The following ZEB2 variants were observed in gnomAD, a reference collection of about 807,000 sequenced individuals.
ZEB2 encodes zinc finger E-box-binding homeobox 2.
A neutral mutation model predicts 99.9 loss-of-function variants in ZEB2; 6 were observed. That is an observed-to-expected ratio of 0.06 (90% confidence interval 0.03 to 0.12). The LOEUF is 0.12. Among genes scored for constraint, ZEB2 ranks in the 10% least tolerant of loss-of-function variants. The pLI, the probability that ZEB2 is intolerant of heterozygous loss-of-function variation, is 1.00. For missense variants in ZEB2, 969 were observed against 1,502.8 expected, an observed-to-expected ratio of 0.64 and a Z score of 5.87; for synonymous variants, 517 against 542.5, an observed-to-expected ratio of 0.95 and a Z score of 0.65.
At chr2:144,400,298 C>T (rs374112817) in intron 7 of ZEB2, 28 bp from the exon 8 acceptor site, 2 of 1,598,488 alleles carry the variant, frequency 1.3e-6, no homozygotes, top group Non-Finnish European at 1.7e-6. Context: ...ATTACCGTTA[C>T]ATTTCCTTGA....
chr2:144,418,821 GA>G (rs1703580108), intron 4 of ZEB2, among the ~76,000 whole-genome samples: 1 of 152,002 alleles, frequency 6.6e-6, no homozygotes, highest in South Asian at 2.1e-4. Flanking sequence ...GGACTTTGGG[GA>G]AATGGTGGGA....
rs1034367495 is a variant in ZEB2 at position 144,385,841 on chromosome 2, C to T, written c.*3610G>A. On this transcript the variant is annotated 3_prime_UTR_variant, in exon 10 of 10. Transcript: ENST00000627532. ...AAAAAATGACCTTTTTAAAAGTTATCTGATTGTGAAAAGTATCTAATACAT... is the reference window on the plus strand; with the variant it reads ...AAAAAATGACCTTTTTAAAAGTTATTTGATTGTGAAAAGTATCTAATACAT... The T allele has an allele frequency of 1.3e-5, 2 of 152,120 alleles. No individual in the cohort carries two copies. The highest frequency in any genetic ancestry group is 2.9e-5 in the Non-Finnish European group (2 of 68,004). The allele number at this position is 152,120 out of a possible 1,614,324, so 9.4% of individuals were successfully genotyped here.
chr2:144,504,695 T>A (rs1161774971), intron 2 of ZEB2: 1 of 152,226 alleles, frequency 6.6e-6, no homozygotes, highest in Non-Finnish European at 1.5e-5. Context: ...ATACCTCTGC[T>A]GCACATCTCG....
chr2:144,515,146 C>T (rs531876023), intron 2 of ZEB2, among the ~76,000 whole-genome samples: 1 of 152,024 alleles, frequency 6.6e-6, no homozygotes, highest in Non-Finnish European at 1.5e-5. Context: ...AATAGTCTTC[C>T]CTGCAAAAGA....
In ZEB2 at chr2:144,389,030, G is replaced by T. The variant is rs551537387; in HGVS notation, c.*421C>A. On this transcript the variant is annotated 3_prime_UTR_variant, in exon 10 of 10. Coordinates refer to ENST00000627532, the MANE Select transcript of ZEB2 (RefSeq NM_014795.4). The surrounding 1 kb of genome is among the most constrained non-coding windows in gnomAD (Gnocchi z 6.8). ...TAGTGCGAGCACATTAAATTAAAAA[G>T]GAATAACAATAATAATAATAAAAAT... The T allele has an allele frequency of 1.3e-4, 50 of 399,870 alleles. No individual in the cohort carries two copies. The highest frequency in any genetic ancestry group is 3.7e-4 in the Admixed American group (9 of 24,464). The allele number at this position is 399,870 out of a possible 1,614,324, so 24.8% of individuals were successfully genotyped here. A position where few individuals can be genotyped will look rare whatever the true frequency, so the allele number is the denominator to read the frequency against.
intron 4 of ZEB2, among the ~76,000 whole-genome samples, chr2:144,413,485 G>A (rs1014233173): frequency 4.6e-5 from 7 of 152,084 alleles, no homozygotes; most frequent in Admixed American, 6.6e-5. Context: ...ATCATCCCCC[G>A]TCTCACCTGC....
At chr2:144,491,752 A>G (rs1704684976) in intron 2 of ZEB2, among the ~76,000 whole-genome samples, 1 of 152,236 alleles carries the variant, frequency 6.6e-6, no homozygotes, top group Non-Finnish European at 1.5e-5. Flanking sequence ...GCCCCTCTTC[A>G]GATACTTATG....
At chr2:144,396,334 C>T (rs1268783001) in intron 9 of ZEB2, 78 bp downstream of exon 9, 11 of 1,545,152 alleles carry the variant, frequency 7.1e-6, no homozygotes, top group Non-Finnish European at 9.8e-6. Context: ...TCTTATGTTG[C>T]ACAAGTGTGC....
At chr2:144,491,222 T>C (rs1298512267) in intron 2 of ZEB2, among the ~76,000 whole-genome samples, 2 of 152,250 alleles carry the variant, frequency 1.3e-5, no homozygotes, top group Admixed American at 6.5e-5. Context: ...ATTTTCCCTT[T>C]GCCTTGGGTT....
intron 2 of ZEB2, among the ~76,000 whole-genome samples, chr2:144,456,778 T>C (rs894853668): frequency 2.6e-5 from 4 of 152,126 alleles, no homozygotes; most frequent in African/African-American, 9.7e-5. Context: ...TGTATGAGTA[T>C]GCAAACAAGC....
chr2:144,470,192 C>A lies in ZEB2; in HGVS notation c.74-40166G>T, dbSNP rs566319967. Among the ~76,000 whole-genome samples, 6 of 152,292 alleles carry A rather than the reference C, an allele frequency of 3.9e-5. No homozygotes were observed. In the East Asian group the frequency reaches 1.2e-3, roughly 29 times the overall value. On this transcript the variant is annotated intron_variant, in intron 2 of 9. Coordinates refer to ENST00000627532, the MANE Select transcript of ZEB2 (RefSeq NM_014795.4). ...ATTTAATCTCTCTCTCTCAAAAACT[C>A]ATCAACTCTGTTAAGAAATTGCCTT... is the stretch of plus-strand genomic sequence containing the variant.
Position 144,384,415 on chromosome 2 carries a change from C to A in ZEB2, c.*5036G>T, listed in dbSNP as rs1017007662. On this transcript the variant is annotated 3_prime_UTR_variant, in exon 10 of 10. Transcript: ENST00000627532. The stretch of plus-strand genomic sequence containing the variant: ...TTGTTTAATTCCGAGATTAATATAT[C>A]ATCTTCAACCCTGAAACAGAGGCCC... The A allele has an allele frequency of 6.6e-6, 1 of 151,980 alleles. No individual in the cohort carries two copies. Among genetic ancestry groups the A allele is most frequent in the African/African-American group, 2.4e-5 (1 of 41,392 alleles). 9.4% of individuals were successfully genotyped at this position (151,980 alleles called of 1,614,324 possible). A position where few individuals can be genotyped will look rare whatever the true frequency, so the allele number is the denominator to read the frequency against.
intron 2 of ZEB2, among the ~76,000 whole-genome samples, chr2:144,499,721 C>T (rs1035823): frequency 0.98 from 149,706 of 152,240 alleles, 73,663 homozygotes; most frequent in East Asian, 1. Context: ...GTACCACCTA[C>T]ACCATGGACA....
At chr2:144,508,528 A>C (rs1457703513) in intron 2 of ZEB2, among the ~76,000 whole-genome samples, 1 of 152,062 alleles carries the variant, frequency 6.6e-6, no homozygotes, top group African/African-American at 2.4e-5. Context: ...AAACTAAATA[A>C]GGCAATCTTA....
At chr2:144,413,411 AACAGC>A (rs1172893819) in intron 4 of ZEB2, among the ~76,000 whole-genome samples, 1 of 152,212 alleles carries the variant, frequency 6.6e-6, no homozygotes, top group Non-Finnish European at 1.5e-5. Flanking sequence ...CTAATAAAAC[AACAGC>A]ATTCATTAGC....
intron 6 of ZEB2, among the ~76,000 whole-genome samples, chr2:144,403,178 A>T (rs1478999185): frequency 2.0e-5 from 3 of 152,198 alleles, no homozygotes; most frequent in South Asian, 4.1e-4. Flanking sequence ...CATTTAAGGA[A>T]CACTGTGAAT....
chr2:144,497,534 T>G (rs1389629718), intron 2 of ZEB2, among the ~76,000 whole-genome samples: 1 of 152,048 alleles, frequency 6.6e-6, no homozygotes, highest in East Asian at 1.9e-4. Context: ...TTCAAAGCTC[T>G]GATCACTCTC....
chr2:144,449,475 A>G (rs114816189), intron 2 of ZEB2, among the ~76,000 whole-genome samples: 1 of 152,238 alleles, frequency 6.6e-6, no homozygotes, highest in African/African-American at 2.4e-5. Flanking sequence ...TGCTAACAAA[A>G]CCCATGAACA....
At chr2:144,434,084 T>C (rs1423435877) in intron 2 of ZEB2, among the ~76,000 whole-genome samples, 1 of 152,210 alleles carries the variant, frequency 6.6e-6, no homozygotes, top group African/African-American at 2.4e-5. Context: ...AAATAAGATA[T>C]CAGTTGCTAA....
Sources: gnomAD v4.1 joint callset for allele counts (sites outside exome capture counted in the v4.1 genomes callset) on GRCh38, gnomAD v4.1.1 for gene constraint, Gnocchi (gnomAD v3.1) non-coding constraint, MANE v1.5 for transcripts, NCBI Gene and HGNC (gene_info 2026-07-23, HGNC 2026-07-21) for gene names.